Variants in WDR59 observed in about 807,000 individuals in gnomAD.
WDR59 encodes the protein GATOR2 complex protein WDR59.
Under a neutral mutation model 131.2 loss-of-function variants are expected in WDR59, and 100 were observed. That is an observed-to-expected ratio of 0.76 (90% CI 0.65 to 0.90). The LOEUF is 0.90. Among genes scored for constraint, WDR59 ranks in the 40% least tolerant of loss-of-function variants. The pLI, the probability that WDR59 is intolerant of heterozygous loss-of-function variation, is 0.00. For missense variants in WDR59, 1,203 were observed against 1,262.2 expected, an observed-to-expected ratio of 0.95 and a Z score of 0.71; for synonymous variants, 601 against 466.2, an observed-to-expected ratio of 1.29 and a Z score of -3.72.
chr16:74,956,614 G>A lies in WDR59; in HGVS notation c.105-4C>T, dbSNP rs759755141. 6.6e-5 allele frequency: 107 copies of A among 1,613,684 alleles called. No homozygotes were observed. Among genetic ancestry groups the A allele is most frequent in the Non-Finnish European group, 8.2e-5 (97 of 1,179,934 alleles). On this transcript the variant is annotated splice_polypyrimidine_tract_variant and splice_region_variant and intron_variant, in intron 2 of 25. Coordinates refer to ENST00000262144, the MANE Select transcript of WDR59 (RefSeq NM_030581.4). ...GACGATGTATAAGAATCTGCGGCTAGAGACCAACATCAACATTATAATAGT... is the reference window on the plus strand; with the variant it reads ...GACGATGTATAAGAATCTGCGGCTAAAGACCAACATCAACATTATAATAGT...
At chr16:74,942,431 G>A (rs2032304767) in intron 7 of WDR59, among the ~76,000 whole-genome samples, 1 of 152,136 alleles carries the variant, frequency 6.6e-6, no homozygotes, top group Non-Finnish European at 1.5e-5. Context: ...CACACTGTTA[G>A]TGTCTTTATT....
At position 74,916,183 on chromosome 16, in the gene WDR59, G is replaced by T; in HGVS notation, c.1043C>A (p.Thr348Asn). 9 of 1,614,126 alleles carry T rather than the reference G, an allele frequency of 5.6e-6. No individual in the cohort carries two copies. Among genetic ancestry groups the T allele is most frequent in the Non-Finnish European group, 7.6e-6 (9 of 1,179,996 alleles). ...SISLLPEPEKTLHTEDTDHQH... is the reference protein window; with the variant it reads ...SISLLPEPEKNLHTEDTDHQH... ...GTGATCTGTATCTTCAGTGTGCAGG[G>T]TCTTCTCAGGTTCCGGCAGAAGGGA... Residue 348 changes from threonine (T) to asparagine (N), a missense_variant, in exon 12 of 26, where the codon ACC becomes AAC. Transcript: ENST00000262144.
intron 7 of WDR59, among the ~76,000 whole-genome samples, chr16:74,939,838 T>G (rs1323924903): frequency 6.6e-6 from 1 of 151,774 alleles, no homozygotes; most frequent in Non-Finnish European, 1.5e-5. Context: ...GAAAAAAATT[T>G]TTTTAATTAC....
intron 8 of WDR59, among the ~76,000 whole-genome samples, chr16:74,931,420 C>T (rs749986698): frequency 3.3e-5 from 5 of 152,100 alleles, no homozygotes; most frequent in Admixed American, 6.6e-5. Flanking sequence ...AATACAACCT[C>T]GACCTCTTGG....
At chr16:74,971,637 C>T (rs952967360) in intron 1 of WDR59, among the ~76,000 whole-genome samples, 1 of 151,710 alleles carries the variant, frequency 6.6e-6, no homozygotes, top group Non-Finnish European at 1.5e-5. Flanking sequence ...TTCACCATGT[C>T]GGCCAGGCTG....
chr16:74,926,006 A>T (rs1370849961), intron 8 of WDR59, among the ~76,000 whole-genome samples: 1 of 144,470 alleles, frequency 6.9e-6, no homozygotes. Context: ...TTTTTAATAA[A>T]AAAAAAAAAA....
intron 17 of WDR59, among the ~76,000 whole-genome samples, chr16:74,906,037 G>A (rs541583919): frequency 8.6e-5 from 13 of 151,874 alleles, no homozygotes; most frequent in East Asian, 3.9e-4. Context: ...TGAGACGGCC[G>A]GGCGCGGTGG....
intron 6 of WDR59, among the ~76,000 whole-genome samples, chr16:74,945,887 C>T (rs1339671322): frequency 2.0e-5 from 3 of 148,512 alleles, no homozygotes; most frequent in African/African-American, 2.5e-5. Flanking sequence ...GGCGTGATCT[C>T]GCTCACCGCA....
intron 6 of WDR59, among the ~76,000 whole-genome samples, chr16:74,943,916 A>G (rs757217668): frequency 5.3e-5 from 8 of 152,238 alleles, no homozygotes; most frequent in Non-Finnish European, 1.0e-4. Flanking sequence ...TTGAGACATA[A>G]GGTATCTTAT....
At chr16:74,967,640 C>G (rs1222487157) in intron 1 of WDR59, among the ~76,000 whole-genome samples, 1 of 152,078 alleles carries the variant, frequency 6.6e-6, no homozygotes, top group East Asian at 1.9e-4. Flanking sequence ...GGATGGATCA[C>G]CTGAGGTCAG....
At chr16:74,922,967 C>T (rs2030396757) in intron 9 of WDR59, among the ~76,000 whole-genome samples, 2 of 152,092 alleles carry the variant, frequency 1.3e-5, no homozygotes, top group South Asian at 4.1e-4. Context: ...TTCAGATTGA[C>T]ATTAAAGGAA....
intron 8 of WDR59, among the ~76,000 whole-genome samples, chr16:74,927,587 C>CAAA (rs370386044): frequency 1.6e-4 from 9 of 57,934 alleles, no homozygotes; most frequent in Middle Eastern, 0.014. Flanking sequence ...GACTCCATCT[C>CAAA]AAAAAAAAAA....
chr16:74,939,978 G>A (rs772130895), intron 7 of WDR59, among the ~76,000 whole-genome samples: 2 of 152,148 alleles, frequency 1.3e-5, no homozygotes, highest in Non-Finnish European at 1.5e-5. Context: ...GAGGGAGACT[G>A]TCTCAAAAAC....
intron 18 of WDR59, among the ~76,000 whole-genome samples, chr16:74,903,207 C>T (rs967875212): frequency 2.0e-5 from 3 of 152,174 alleles, no homozygotes; most frequent in Non-Finnish European, 4.4e-5. Flanking sequence ...GAGATAACAA[C>T]AAAGAATTCC....
chr16:74,962,352 T>C (rs189724064), intron 2 of WDR59, among the ~76,000 whole-genome samples: 171 of 152,308 alleles, frequency 1.1e-3, no homozygotes, highest in Middle Eastern at 0.01. Context: ...GTGAACAGCA[T>C]TGAATCTATA....
chr16:74,932,021 T>G (rs530270154), intron 8 of WDR59, among the ~76,000 whole-genome samples: 1 of 151,594 alleles, frequency 6.6e-6, no homozygotes, highest in East Asian at 1.9e-4. Context: ...GACCTTGAAC[T>G]AATATTAATG....
At chr16:74,942,963 C>G (rs934584180) in intron 6 of WDR59, 137 bp from the exon 7 acceptor site, 11 of 695,012 alleles carry the variant, frequency 1.6e-5, no homozygotes, top group Non-Finnish European at 2.7e-5. Flanking sequence ...ACTGCACCAA[C>G]TCCACTATTC....
rs1427737239 is a variant in WDR59 at position 74,981,637 on chromosome 16, TATATATATATATA to T, written c.54+3314_54+3326del. On this transcript the variant is annotated intron_variant, in intron 1 of 25. Transcript: ENST00000262144. The stretch of plus-strand genomic sequence containing the variant: ...ACATATATATATATATATATATATA[TATATATATATATA>T]TATATATATATTTTTTTTTTTTTTA... 9.3e-3 allele frequency among the ~76,000 whole-genome samples: 292 copies of T among 31,488 alleles called. 33 individuals are homozygous for T. Among genetic ancestry groups the T allele is most frequent in the African/African-American group, 0.034 (266 of 7,894 alleles). The allele number at this position is 31,488 out of a possible 152,430, so 20.7% of individuals were successfully genotyped here. A position where few individuals can be genotyped will look rare whatever the true frequency, so the allele number is the denominator to read the frequency against.
At chr16:74,947,568 C>A (rs1215248447) in intron 6 of WDR59, among the ~76,000 whole-genome samples, 1 of 152,088 alleles carries the variant, frequency 6.6e-6, no homozygotes, top group Non-Finnish European at 1.5e-5. Flanking sequence ...TATTTAGATT[C>A]TCACTGAAAC....
Sources: gnomAD v4.1 joint callset for allele counts (sites outside exome capture counted in the v4.1 genomes callset) on GRCh38, gnomAD v4.1.1 for gene constraint, MANE v1.5 for transcripts, NCBI Gene and HGNC (gene_info 2026-07-23, HGNC 2026-07-21) for gene names.